KHDRBS2: variants seen among roughly 807,000 people sequenced by gnomAD.
KHDRBS2 encodes KH RNA binding domain containing, signal transduction associated 2.
KHDRBS2 carries 26 observed loss-of-function variants against 44.3 expected under a neutral mutation model. That is an observed-to-expected ratio of 0.59 (90% confidence interval 0.43 to 0.81). The LOEUF is 0.81. Ranked by LOEUF, KHDRBS2 falls within the 40% of genes least tolerant of loss-of-function variation. The pLI is 0.00. For synonymous variants in KHDRBS2, 194 were observed against 151.1 expected, an observed-to-expected ratio of 1.28 and a Z score of -2.08; for missense variants, 476 against 433.1, an observed-to-expected ratio of 1.10 and a Z score of -0.88.
At chr6:61,658,876 G>A in the KHDRBS2 span, among the ~76,000 whole-genome samples, 1 of 25,816 alleles carries the variant, frequency 3.9e-5, no homozygotes, top group African/African-American at 1.6e-4. Flanking sequence ...CTCTGCACTA[G>A]TAAAAATTTC....
the KHDRBS2 span, among the ~76,000 whole-genome samples, chr6:61,545,501 C>CTGTGTGTGTGTGTGTGTG: frequency 1.1e-3 from 160 of 148,438 alleles, 1 homozygote; most frequent in Middle Eastern, 6.9e-3. Context: ...TAGCTAATCT[C>CTGTGTGTGTGTGTGTGTG]TGTGTGTGTG....
At chr6:61,806,641 CCAAATTTCCCAAATAGAAAT>C (rs1787214836) in intron 6 of KHDRBS2, among the ~76,000 whole-genome samples, 1 of 21,696 alleles carries the variant, frequency 4.6e-5, no homozygotes, top group East Asian at 8.4e-4. Flanking sequence ...GTCTGATTTC[CCAAATTTCCCAAATAGAAAT>C]ATTCTTATTA....
the KHDRBS2 span, among the ~76,000 whole-genome samples, chr6:61,646,963 G>T: frequency 6.6e-6 from 1 of 151,924 alleles, no homozygotes; most frequent in Non-Finnish European, 1.5e-5. Context: ...GGGATTACAG[G>T]CACCCACCAC....
At chr6:61,649,046 G>A in the KHDRBS2 span, among the ~76,000 whole-genome samples, 3,751 of 152,190 alleles carry the variant, frequency 0.025, 72 homozygotes, top group Middle Eastern at 0.088. Context: ...TAGCTTTACC[G>A]GGGGCTGCTT....
intron 2 of KHDRBS2, among the ~76,000 whole-genome samples, chr6:62,071,205 A>G (rs990646872): frequency 4.0e-5 from 6 of 151,678 alleles, no homozygotes; most frequent in Admixed American, 6.6e-5. Flanking sequence ...TTTTCTTGTA[A>G]ATTTGTTTGA....
At chr6:61,891,709 G>A (rs548836205) in intron 6 of KHDRBS2, among the ~76,000 whole-genome samples, 1 of 152,202 alleles carries the variant, frequency 6.6e-6, no homozygotes, top group Admixed American at 6.5e-5. Context: ...AACACTTTAC[G>A]CTAAAAACTC....
At chr6:62,196,909 C>T (rs558950846) in intron 1 of KHDRBS2, among the ~76,000 whole-genome samples, 7 of 152,114 alleles carry the variant, frequency 4.6e-5, no homozygotes, top group East Asian at 1.9e-4. Flanking sequence ...CCATAGGAAG[C>T]GCCCATAAAG....
intron 2 of KHDRBS2, among the ~76,000 whole-genome samples, chr6:62,055,623 T>C (rs1471292822): frequency 6.6e-6 from 1 of 152,026 alleles, no homozygotes; most frequent in Admixed American, 6.6e-5. Flanking sequence ...TCTCAATCCT[T>C]GCAAGAGCAA....
intron 2 of KHDRBS2, among the ~76,000 whole-genome samples, chr6:62,146,861 A>AT (rs1279385534): frequency 6.6e-6 from 1 of 151,820 alleles, no homozygotes; most frequent in African/African-American, 2.4e-5. Context: ...TCAAAAAAAT[A>AT]TTTTTGCATT....
At chr6:61,626,995 T>C in the KHDRBS2 span, among the ~76,000 whole-genome samples, 1 of 152,062 alleles carries the variant, frequency 6.6e-6, no homozygotes, top group African/African-American at 2.4e-5. Flanking sequence ...GGCTCACGCC[T>C]GTAATCCCAG....
chr6:62,216,838 C>T (rs1312024824), intron 1 of KHDRBS2, among the ~76,000 whole-genome samples: 1 of 151,026 alleles, frequency 6.6e-6, no homozygotes, highest in Non-Finnish European at 1.5e-5. Context: ...GAAGTTTGCA[C>T]CTCGTAAAAT....
intron 2 of KHDRBS2, 65 bp downstream of exon 2, chr6:62,177,120 A>T: frequency 1.0e-6 from 1 of 974,998 alleles, no homozygotes; most frequent in Non-Finnish European, 1.5e-6. Flanking sequence ...GTGAATAATT[A>T]AAATACCGTC....
the KHDRBS2 span, among the ~76,000 whole-genome samples, chr6:61,569,421 A>G: frequency 6.6e-6 from 1 of 152,050 alleles, no homozygotes; most frequent in African/African-American, 2.4e-5. Flanking sequence ...AGATCCCCCT[A>G]TTTCTGCTGC....
the KHDRBS2 span, among the ~76,000 whole-genome samples, chr6:61,611,633 A>C: frequency 6.6e-6 from 1 of 152,170 alleles, no homozygotes; most frequent in South Asian, 2.1e-4. Context: ...CCTATATACA[A>C]TCATTTGATT....
chr6:61,676,420 G>A (rs1765944892), downstream of KHDRBS2, among the ~76,000 whole-genome samples: 1 of 151,764 alleles, frequency 6.6e-6, no homozygotes, highest in South Asian at 2.1e-4. Context: ...CTTTGTCAGG[G>A]ATTTATTTTT....
At chr6:61,994,907 AGAG>A (rs1343036105) in intron 3 of KHDRBS2, among the ~76,000 whole-genome samples, 1 of 152,122 alleles carries the variant, frequency 6.6e-6, no homozygotes, top group African/African-American at 2.4e-5. Context: ...TTGCAGGCAC[AGAG>A]GAGAAGGGAA....
At chr6:61,604,551 A>G in the KHDRBS2 span, among the ~76,000 whole-genome samples, 3 of 152,182 alleles carry the variant, frequency 2.0e-5, no homozygotes, top group Non-Finnish European at 2.9e-5. Context: ...CATGTAGGTT[A>G]CAAGCCGCTA....
At chr6:62,058,865 A>G (rs1269397221) in intron 2 of KHDRBS2, among the ~76,000 whole-genome samples, 1 of 151,912 alleles carries the variant, frequency 6.6e-6, no homozygotes, top group African/African-American at 2.4e-5. Context: ...TAACCATTAA[A>G]GCTAATATCA....
At chr6:62,251,783 A>T (rs1836577506) in intron 1 of KHDRBS2, among the ~76,000 whole-genome samples, 1 of 151,962 alleles carries the variant, frequency 6.6e-6, no homozygotes, top group African/African-American at 2.4e-5. Context: ...TTGAAAATCA[A>T]CCAAAAATAG....
Sources: allele counts gnomAD v4.1 joint callset (sites outside exome capture counted in the v4.1 genomes callset), GRCh38; gene constraint gnomAD v4.1.1; transcripts MANE v1.5; gene names NCBI Gene and HGNC (gene_info 2026-07-23, HGNC 2026-07-21).